Variants in ZNF730 observed in about 807,000 individuals in gnomAD.
ZNF730 encodes putative zinc finger protein 730.
ZNF730 carries 12 observed loss-of-function variants against 12.6 expected under a neutral mutation model. The ratio of observed to expected loss-of-function variants is 0.95; its 90% CI spans 0.61 to 1.54. The LOEUF is 1.54. Ranked by LOEUF, ZNF730 falls within the 40% of genes most tolerant of loss-of-function variation. ZNF730 has a pLI of 0.00. For synonymous variants in ZNF730, 194 were observed against 195.8 expected (o/e 0.99, Z 0.08); for missense variants, 643 against 583.5 (o/e 1.10, Z -1.05).
At chr19:23,128,082 G>C (rs565307767) in intron 1 of ZNF730, 20 of 795,966 alleles carry the variant, frequency 2.5e-5, no homozygotes, top group African/African-American at 2.2e-4. Flanking sequence ...CTGATGGTCA[G>C]CCAAGTGCCT....
intron 1 of ZNF730, among the ~76,000 whole-genome samples, chr19:23,122,383 T>C (rs1404153456): frequency 1.3e-5 from 2 of 152,176 alleles, no homozygotes; most frequent in East Asian, 3.8e-4. Context: ...CCTCAGGTGA[T>C]CCTCCTGCCT....
intron 1 of ZNF730, among the ~76,000 whole-genome samples, chr19:23,110,037 G>A (rs1970443486): frequency 6.7e-6 from 1 of 149,338 alleles, no homozygotes; most frequent in South Asian, 2.1e-4. Context: ...TGTGATCTTG[G>A]CTCACAGCAA....
intron 1 of ZNF730, among the ~76,000 whole-genome samples, chr19:23,098,798 TG>T (rs1970293612): frequency 2.0e-5 from 3 of 152,142 alleles, no homozygotes; most frequent in Admixed American, 6.6e-5. Context: ...GGGTACTTTC[TG>T]TCAACAAGTA....
intron 1 of ZNF730, among the ~76,000 whole-genome samples, chr19:23,098,803 A>G (rs1207559199): frequency 6.6e-6 from 1 of 152,114 alleles, no homozygotes; most frequent in African/African-American, 2.4e-5. Flanking sequence ...CTTTCTGTCA[A>G]CAAGTAGGTT....
chr19:23,116,064 C>T (rs2085999), upstream of ZNF730, among the ~76,000 whole-genome samples: 45,675 of 152,114 alleles, frequency 0.3, 7,723 homozygotes, highest in African/African-American at 0.46. Flanking sequence ...CCTTAGTCCC[C>T]GCACGCACAG....
intron 3 of ZNF730, among the ~76,000 whole-genome samples, chr19:23,140,336 G>T (rs529541143): frequency 6.6e-6 from 1 of 152,084 alleles, no homozygotes; most frequent in African/African-American, 2.4e-5. Context: ...TAGATTGGTT[G>T]TGGTGGCTCG....
At chr19:23,135,331 G>A (rs1046175116) in intron 2 of ZNF730, among the ~76,000 whole-genome samples, 3 of 145,990 alleles carry the variant, frequency 2.1e-5, no homozygotes, top group Non-Finnish European at 3.0e-5. Context: ...CCACTTTCCT[G>A]AGCTGATTTG....
At chr19:23,135,195 T>G in intron 2 of ZNF730, among the ~76,000 whole-genome samples, 1 of 96,862 alleles carries the variant, frequency 1.0e-5, no homozygotes, top group Non-Finnish European at 1.8e-5. Flanking sequence ...AATCCCCCTC[T>G]GCGAGAAACA....
At chr19:23,126,488 A>C in intron 1 of ZNF730, 1 of 359,010 alleles carries the variant, frequency 2.8e-6, no homozygotes, top group Non-Finnish European at 5.6e-6. Context: ...TCCAGTGAGC[A>C]TAAATGCGTA....
rs115536317 is a variant in ZNF730, at chr19:23,091,439, G to A, written c.-94+16052G>A. Among the ~76,000 whole-genome samples the A allele has an allele frequency of 5.6e-3, 854 of 152,266 alleles. 11 individuals carry two copies. The highest frequency in any genetic ancestry group is 0.02 in the African/African-American group (818 of 41,544). ...CCACCATCCGCCAGACCCCAGAATG[G>A]TAGATTCACCCACAGCTTGCACTGT... On this transcript the variant is annotated intron_variant, in intron 1 of 2. Transcript: ENST00000593635.
At chr19:23,119,865 T>A (rs1402853206) in intron 1 of ZNF730, among the ~76,000 whole-genome samples, 2 of 152,164 alleles carry the variant, frequency 1.3e-5, no homozygotes, top group Non-Finnish European at 2.9e-5. Flanking sequence ...TTTTATATAA[T>A]GAGTTGGGGA....
At chr19:23,132,024 CTG>C (rs1568314486) in intron 1 of ZNF730, among the ~76,000 whole-genome samples, 2 of 147,828 alleles carry the variant, frequency 1.4e-5, no homozygotes, top group African/African-American at 5.0e-5. Context: ...TTTTTCTTAA[CTG>C]TAGCAGAAAT....
At chr19:23,143,095 T>C (rs953719715) in intron 3 of ZNF730, among the ~76,000 whole-genome samples, 2 of 151,742 alleles carry the variant, frequency 1.3e-5, no homozygotes, top group African/African-American at 4.8e-5. Context: ...ACACAAAAAA[T>C]TAGCCGGGCG....
At chr19:23,091,241 A>G (rs1970155154) in intron 1 of ZNF730, among the ~76,000 whole-genome samples, 1 of 152,164 alleles carries the variant, frequency 6.6e-6, no homozygotes, top group Non-Finnish European at 1.5e-5. Context: ...AGGAACCTCC[A>G]CCTAGATTTC....
At chr19:23,081,214 G>A (rs539873094) in intron 1 of ZNF730, among the ~76,000 whole-genome samples, 3 of 150,298 alleles carry the variant, frequency 2.0e-5, no homozygotes, top group South Asian at 2.1e-4. Flanking sequence ...GTGTGATCTC[G>A]GCTTGCTGCA....
chr19:23,103,795 T>TA (rs1206009546), intron 1 of ZNF730, among the ~76,000 whole-genome samples: 7 of 152,248 alleles, frequency 4.6e-5, no homozygotes, highest in Admixed American at 2.0e-4. Context: ...TTAAGGTTGT[T>TA]ATGTTAAGTT....
chr19:23,081,389 A>G (rs1272185792), intron 1 of ZNF730, among the ~76,000 whole-genome samples: 4 of 151,066 alleles, frequency 2.6e-5, no homozygotes, highest in Non-Finnish European at 5.9e-5. Context: ...GTGCTATCTT[A>G]GCTTACTGCA....
At chr19:23,140,399 C>G (rs1970898001) in intron 3 of ZNF730, among the ~76,000 whole-genome samples, 1 of 147,852 alleles carries the variant, frequency 6.8e-6, no homozygotes, top group African/African-American at 2.5e-5. Context: ...CACTTGAGGT[C>G]AGGAGTATGA....
chr19:23,114,305 C>CTTTTTTTTTTT (rs869304180), upstream of ZNF730, among the ~76,000 whole-genome samples: 38 of 103,512 alleles, frequency 3.7e-4, 1 homozygote, highest in South Asian at 9.2e-4. Flanking sequence ...TTTTTCTTTT[C>CTTTTTTTTTTT]TTTTTTTTTT....
Sources: allele counts gnomAD v4.1 joint callset (sites outside exome capture counted in the v4.1 genomes callset), GRCh38; gene constraint gnomAD v4.1.1; transcripts MANE v1.5; gene names NCBI Gene and HGNC (gene_info 2026-07-23, HGNC 2026-07-21).